THAP3: variants seen among roughly 807,000 people sequenced by gnomAD.
THAP3 encodes the protein THAP domain-containing protein 3.
THAP3 carries 12 observed loss-of-function variants against 17.7 expected under a neutral mutation model. The observed-to-expected ratio is 0.68, with a 90% CI of 0.43 to 1.10. The LOEUF is 1.10. Among genes scored for constraint, THAP3 ranks in the 50% least tolerant of loss-of-function variants. The pLI is 0.00. For missense variants in THAP3, 289 were observed against 318.0 expected (o/e 0.91, Z 0.69); for synonymous variants, 133 against 126.9 (o/e 1.05, Z -0.32).
chr1:6,631,246 G>T (rs932297598), intron 4 of THAP3, among the ~76,000 whole-genome samples: 1 of 149,682 alleles, frequency 6.7e-6, no homozygotes, highest in South Asian at 2.1e-4. Flanking sequence ...CAAACTCTTG[G>T]ATTCAGGGGA....
chr1:6,632,477 C>G lies in THAP3; in HGVS notation c.420C>G (p.Ala140=). ...ALEELQLPPN[A]EGHVKQVSPR... Reference sequence around the variant, plus strand: ...AAGAGCTTCAGTTGCCCCCAAATGCCGAAGGCCACGTAAAACAGGTAAGAC... The same window carrying G: ...AAGAGCTTCAGTTGCCCCCAAATGCGGAAGGCCACGTAAAACAGGTAAGAC... The change falls in exon 5 of 6, where the codon GCC becomes GCG. Residue 140 remains alanine (A), a synonymous_variant. Coordinates refer to ENST00000054650, the MANE Select transcript of THAP3 (RefSeq NM_001195753.2). 6.2e-7 allele frequency: 1 copy of G among 1,614,124 alleles called. No homozygotes were observed. Among genetic ancestry groups the G allele is most frequent in the Non-Finnish European group, 8.5e-7 (1 of 1,180,016 alleles).
downstream of THAP3, chr1:6,634,722 G>A (rs766943704): frequency 4.4e-6 from 6 of 1,361,628 alleles, no homozygotes; most frequent in Non-Finnish European, 5.9e-6. Context: ...AGGCTCCGGA[G>A]CACAGGCCCT....
At chr1:6,632,267 G>A (rs1289297053) in intron 4 of THAP3, 124 bp from the exon 5 acceptor site, 10 of 1,318,962 alleles carry the variant, frequency 7.6e-6, no homozygotes, top group Non-Finnish European at 1.0e-6. Context: ...AGCTGGCTGT[G>A]GAGGGGCACA....
downstream of THAP3, chr1:6,634,785 C>T (rs560904552): frequency 7.6e-4 from 1,001 of 1,313,726 alleles, 11 homozygotes; most frequent in South Asian, 9.6e-3. Flanking sequence ...GCAGTGCCAC[C>T]TGCTGGGTAC....
At chr1:6,632,563 C>T (rs1318328781) in intron 5 of THAP3, 68 bp downstream of exon 5, 2 of 1,600,658 alleles carry the variant, frequency 1.2e-6, no homozygotes, top group Admixed American at 1.7e-5. Context: ...AAATGGAAAC[C>T]AGTGAGCACC....
chr1:6,632,719 G>A lies in THAP3; in HGVS notation c.439-77G>A, dbSNP rs139773694. On this transcript the variant is annotated intron_variant, in intron 5 of 5. Coordinates refer to ENST00000054650, the MANE Select transcript of THAP3 (RefSeq NM_001195753.2). ...GCTGCCCTGGGGTTGTGCTGTGTGC[G>A]TGTCTGGTGGCCTGCTCACCATGGC... is the stretch of plus-strand genomic sequence containing the variant. 6,781 of 1,565,994 alleles carry A rather than the reference G, an allele frequency of 4.3e-3. 26 individuals are homozygous for A. Among genetic ancestry groups the A allele is most frequent in the Non-Finnish European group, 5.1e-3 (5,835 of 1,143,608 alleles).
chr1:6,629,017 C>T (rs1044194794), intron 3 of THAP3, among the ~76,000 whole-genome samples: 15 of 152,230 alleles, frequency 9.9e-5, no homozygotes, highest in Non-Finnish European at 2.1e-4. Flanking sequence ...GCCCAGCCAA[C>T]ATGTTGAAAC....
downstream of THAP3, chr1:6,633,931 C>G: frequency 3.3e-6 from 4 of 1,217,272 alleles, no homozygotes; most frequent in Non-Finnish European, 4.7e-6. Flanking sequence ...AAAAAACTGA[C>G]TTCCTATTTT....
At chr1:6,635,007 C>A (rs1435070369), downstream of THAP3, 2 of 552,964 alleles carry the variant, frequency 3.6e-6, no homozygotes, top group African/African-American at 2.0e-5. Context: ...CAGGGCTAGG[C>A]CCTGGGATCG....
downstream of THAP3, chr1:6,634,074 TTGAG>T (rs764360101): frequency 5.6e-6 from 9 of 1,613,574 alleles, no homozygotes; most frequent in Admixed American, 5.0e-5. Flanking sequence ...AGCCTTGTGG[TTGAG>T]TGAGGAGTGA....
At position 6,625,236 on chromosome 1, in the gene THAP3, G is replaced by T. The variant is rs1344195263; in HGVS notation, c.18G>T (p.Ala6=). 4 of 1,544,622 alleles carry T rather than the reference G, an allele frequency of 2.6e-6. No individual in the cohort carries two copies. In the South Asian group the frequency reaches 4.8e-5, roughly 18 times the overall value. Reference sequence around the variant, plus strand: ...GGCTCGAGATGCCGAAGTCGTGCGCGGCCCGGCAGTGCTGCAACCGCTACA... The same window carrying T: ...GGCTCGAGATGCCGAAGTCGTGCGCTGCCCGGCAGTGCTGCAACCGCTACA... MPKSC[A]ARQCCNRYSS... is the part of the protein sequence containing the mutation. The change falls in exon 2 of 6, where the codon GCG becomes GCT. Residue 6 remains alanine (A), a synonymous_variant. Coordinates refer to ENST00000054650, the MANE Select transcript of THAP3 (RefSeq NM_001195753.2).
chr1:6,632,585 C>T, intron 5 of THAP3, 90 bp downstream of exon 5: 1 of 1,569,610 alleles, frequency 6.4e-7, no homozygotes, highest in South Asian at 1.2e-5. Context: ...ACCATGAGAC[C>T]TGTGTGGCCG....
At chr1:6,632,526 T>G in intron 5 of THAP3, 31 bp downstream of exon 5, 1 of 1,613,524 alleles carries the variant, frequency 6.2e-7, no homozygotes, top group Non-Finnish European at 8.5e-7. Context: ...GGTCTGTGGT[T>G]GGACACAAGA....
downstream of THAP3, chr1:6,635,513 TG>T (rs1641745448): frequency 4.0e-6 from 3 of 756,344 alleles, no homozygotes; most frequent in Non-Finnish European, 6.4e-6. Flanking sequence ...CCTCAAAAGC[TG>T]GGGTGTCTGC....
chr1:6,628,555 G>A lies in THAP3; in HGVS notation c.131G>A (p.Gly44Asp), dbSNP rs753410472. Residue 44 changes from glycine to aspartate, a missense_variant, in exon 3 of 6, where the codon GGC (glycine) becomes GAC (aspartate). Gly to Asp is a moderately conservative substitution (Grantham distance 94). Coordinates refer to ENST00000054650, the MANE Select transcript of THAP3 (RefSeq NM_001195753.2). ...GAATGGGTGCTGAACATCGGCCGGG[G>A]CAACTTCAAGCCCAAGCAGCACACG... ...LKEWVLNIGRGNFKPKQHTVI... is the reference protein window; with the variant it reads ...LKEWVLNIGRDNFKPKQHTVI... 1 of 1,613,798 alleles carries A rather than the reference G, an allele frequency of 6.2e-7. No homozygotes were observed. Among genetic ancestry groups the A allele is most frequent in the Non-Finnish European group, 8.5e-7 (1 of 1,179,980 alleles).
At chr1:6,634,358 G>A (rs1641712650), downstream of THAP3, 1 of 1,107,096 alleles carries the variant, frequency 9.0e-7, no homozygotes, top group East Asian at 3.3e-5. Context: ...TTAAAAAATG[G>A]AGATGAATGT....
chr1:6,630,135 TGGGCTGAGCTTCA>T (rs781162608), intron 3 of THAP3, among the ~76,000 whole-genome samples, 140 bp from the exon 4 acceptor site: 2 of 152,216 alleles, frequency 1.3e-5, no homozygotes, highest in Non-Finnish European at 2.9e-5. Flanking sequence ...CAGTGTGAGT[TGGGCTGAGCTTCA>T]GGTCAGTTTC....
At chr1:6,632,738 C>A in intron 5 of THAP3, 58 bp from the exon 6 acceptor site, 1 of 1,601,372 alleles carries the variant, frequency 6.2e-7, no homozygotes. Flanking sequence ...GGCCTGCTCA[C>A]CATGGCCCGC....
intron 2 of THAP3, among the ~76,000 whole-genome samples, chr1:6,626,493 G>C (rs1235352427): frequency 6.6e-6 from 1 of 152,184 alleles, no homozygotes; most frequent in East Asian, 1.9e-4. Flanking sequence ...TTACTGATTT[G>C]TTCTACAATT....
Sources: gnomAD v4.1 joint callset for allele counts (sites outside exome capture counted in the v4.1 genomes callset) on GRCh38, gnomAD v4.1.1 for gene constraint, MANE v1.5 for transcripts, NCBI Gene and HGNC (gene_info 2026-07-23, HGNC 2026-07-21) for gene names.